The following TTYH2 variants were observed in gnomAD, a reference collection of about 807,000 sequenced individuals.
TTYH2 encodes the protein tweety family member 2.
A neutral mutation model predicts 68.3 loss-of-function variants in TTYH2; 49 were observed. The observed-to-expected ratio is 0.72, with a 90% CI of 0.57 to 0.91. TTYH2 has a LOEUF of 0.91. Among genes scored for constraint, TTYH2 ranks in the 40% least tolerant of loss-of-function variants. TTYH2 has a pLI of 0.00. For missense variants in TTYH2, 631 were observed against 700.4 expected, an observed-to-expected ratio of 0.90 and a Z score of 1.12; for synonymous variants, 272 against 300.8, an observed-to-expected ratio of 0.90 and a Z score of 0.99.
At position 74,232,141 on chromosome 17, in the gene TTYH2, C is replaced by CA. The variant is rs1459094111; in HGVS notation, c.414+1144dup. On this transcript the variant is annotated intron_variant, in intron 3 of 13. Coordinates refer to ENST00000269346, the MANE Select transcript of TTYH2 (RefSeq NM_032646.6). The surrounding 1 kb of genome is among the most constrained non-coding windows in gnomAD (Gnocchi z 5.1). ...CAGCCTCTGCCACAAAATCCAGCCC[C>CA]AACAGGAGAATTTGGCCATTGCCCC... Among the ~76,000 whole-genome samples, 1 of 152,230 alleles carries CA rather than the reference C, an allele frequency of 6.6e-6. No individual in the cohort carries two copies. Among genetic ancestry groups the CA allele is most frequent in the African/African-American group, 2.4e-5 (1 of 41,452 alleles).
In TTYH2 at chr17:74,237,256, C is replaced by T. The variant is rs751570568; in HGVS notation, c.415-38C>T. The T allele has an allele frequency of 6.2e-6, 10 of 1,601,442 alleles. No individual in the cohort carries two copies. The Admixed American group carries it at 1.0e-4, about 16-fold the overall frequency. On this transcript the variant is annotated intron_variant, in intron 3 of 13. Coordinates refer to ENST00000269346, the MANE Select transcript of TTYH2 (RefSeq NM_032646.6). ...CCTCTTCCGGGATGAGAATCAGAAG[C>T]TCTACCTCCATGGCTTTTGCCCCCT...
chr17:74,255,381 G>A (rs922555351), intron 13 of TTYH2, among the ~76,000 whole-genome samples: 1 of 152,198 alleles, frequency 6.6e-6, no homozygotes, highest in African/African-American at 2.4e-5. Flanking sequence ...ACAGTGAGCT[G>A]TTATTTGTGA....
At chr17:74,227,974 C>CTT (rs2050347863) in intron 2 of TTYH2, among the ~76,000 whole-genome samples, 1 of 118,938 alleles carries the variant, frequency 8.4e-6, no homozygotes, top group Admixed American at 7.5e-5. Flanking sequence ...GGTTTCTTTT[C>CTT]TTTTCTTTCT....
In TTYH2 at chr17:74,222,654, G is replaced by A. The variant is rs1195800980; in HGVS notation, c.299G>A (p.Cys100Tyr). The change falls in exon 2 of 14, where the codon TGC becomes TAC. Residue 100 changes from cysteine to tyrosine, a missense_variant. By Grantham distance (194) the Cys-to-Tyr change is radical. Transcript: ENST00000269346. The surrounding 1 kb of genome is among the most constrained non-coding windows in gnomAD (Gnocchi z 5.2). The stretch of plus-strand genomic sequence containing the variant: ...ACGGCCGTGGTGGCCGGGCTCATCT[G>A]CTGGTGAGTGTCCCTGGACGCTGGG... Reference protein sequence around the residue: ...TWTAVVAGLICCAAVGVGFYG... With the variant: ...TWTAVVAGLIYCAAVGVGFYG... 6.2e-7 allele frequency: 1 copy of A among 1,607,720 alleles called. No homozygotes were observed. The highest frequency in any genetic ancestry group is 2.2e-5 in the East Asian group (1 of 44,832).
chr17:74,215,595 G>GGTCCC lies in TTYH2; in HGVS notation c.129+1880_129+1881insTCCCG. The GGTCCC allele has an allele frequency of 6.5e-7, 1 of 1,532,926 alleles. No individual in the cohort carries two copies. The highest frequency in any genetic ancestry group is 8.7e-7 in the Non-Finnish European group (1 of 1,145,120). 95.0% of individuals were successfully genotyped at this position (1,532,926 alleles called of 1,614,324 possible). ...GCAGCTGACACCAGCCCTGCCCACT[G>GGTCCC]GCTCCTGGTCCCGCTCACCCCCTCA... On this transcript the variant is annotated intron_variant, in intron 1 of 13. Coordinates refer to ENST00000269346, the MANE Select transcript of TTYH2 (RefSeq NM_032646.6). The surrounding 1 kb of genome is among the most constrained non-coding windows in gnomAD (Gnocchi z 4.3).
rs767810857 is a variant in TTYH2, at chr17:74,237,512, C to T, written c.633C>T (p.Tyr211=). The T allele has an allele frequency of 2.8e-5, 45 of 1,604,152 alleles. No homozygotes were observed. The Admixed American group carries it at 3.2e-4, about 11-fold the overall frequency. The change falls in exon 4 of 14, where the codon TAC becomes TAT. Residue 211 remains tyrosine, a splice_region_variant and synonymous_variant. Coordinates refer to ENST00000269346, the MANE Select transcript of TTYH2 (RefSeq NM_032646.6). ...ACCAGACTGGCTACGTGGAGTACTA[C>T]AGGTGAAGGACCGGTGGGAGGCAGA... ...LSDQTGYVEY[Y]RWLSYLLLFI... is the part of the protein sequence containing the mutation.
At chr17:74,247,258 C>G (rs1459200122) in intron 6 of TTYH2, among the ~76,000 whole-genome samples, 1 of 152,030 alleles carries the variant, frequency 6.6e-6, no homozygotes, top group African/African-American at 2.4e-5. Flanking sequence ...AAGACTTGCC[C>G]CCGTGACTCA....
chr17:74,244,087 G>T, intron 6 of TTYH2, 38 bp downstream of exon 6: 1 of 1,592,236 alleles, frequency 6.3e-7, no homozygotes. Flanking sequence ...GGTGGTGGTT[G>T]GTCTGCCAGG....
At position 74,237,314 on chromosome 17, in the gene TTYH2, G is replaced by A; in HGVS notation, c.435G>A (p.Lys145=). The A allele has an allele frequency of 6.2e-7, 1 of 1,614,136 alleles. No homozygotes were observed. Among genetic ancestry groups the A allele is most frequent in the Non-Finnish European group, 8.5e-7 (1 of 1,180,018 alleles). Reference sequence around the variant, plus strand: ...CCTAGGTTTCCGGAACTACCCAGAAGATGAAGGTGGACCTAGAGCAGCACC... The same window carrying A: ...CCTAGGTTTCCGGAACTACCCAGAAAATGAAGGTGGACCTAGAGCAGCACC... ...IDALVSGTTQ[K]MKVDLEQHLA... The change falls in exon 4 of 14, where the codon AAG becomes AAA. Residue 145 remains lysine, a synonymous_variant. Transcript: ENST00000269346.
intron 3 of TTYH2, among the ~76,000 whole-genome samples, chr17:74,236,528 T>A (rs1010088215): frequency 3.9e-5 from 6 of 152,240 alleles, no homozygotes; most frequent in African/African-American, 1.4e-4. Context: ...TAGTAATGAA[T>A]GCATACGTTT....
intron 6 of TTYH2, among the ~76,000 whole-genome samples, chr17:74,246,090 G>A (rs550362145): frequency 6.6e-6 from 1 of 152,312 alleles, no homozygotes; most frequent in South Asian, 2.1e-4. Flanking sequence ...CAGAGAGGCT[G>A]GGAAGCCCTG....
rs1251518172 is a variant in TTYH2 at position 74,261,335 on chromosome 17, A to T, written c.*1126A>T. The T allele has an allele frequency of 6.6e-6, 1 of 152,216 alleles. No homozygotes were observed. Among genetic ancestry groups the T allele is most frequent in the Non-Finnish European group, 1.5e-5 (1 of 68,068 alleles). The allele number at this position is 152,216 out of a possible 1,614,324, so 9.4% of individuals were successfully genotyped here. On this transcript the variant is annotated 3_prime_UTR_variant, in exon 14 of 14. Coordinates refer to ENST00000269346, the MANE Select transcript of TTYH2 (RefSeq NM_032646.6). ...AAGCCAGAGTTCCCTGTTCTAGGGG[A>T]CTAGCCAAATGCCTACATCAGCTGT...
Position 74,222,800 on chromosome 17 carries a change from T to G in TTYH2, c.302+143T>G. ...ATGAATGTTGTCCCTTTTTTTTTTT[T>G]TACCAAGCATCAGGAATCAGATGCC... On this transcript the variant is annotated intron_variant, in intron 2 of 13. Coordinates refer to ENST00000269346, the MANE Select transcript of TTYH2 (RefSeq NM_032646.6). The surrounding 1 kb of genome is among the most constrained non-coding windows in gnomAD (Gnocchi z 5.2). 9.4e-7 allele frequency: 1 copy of G among 1,061,472 alleles called. No individual in the cohort carries two copies. Among genetic ancestry groups the G allele is most frequent in the Non-Finnish European group, 1.3e-6 (1 of 773,002 alleles). The allele number at this position is 1,061,472 out of a possible 1,614,324, so 65.8% of individuals were successfully genotyped here.
At chr17:74,253,030 C>T (rs367996162) in intron 11 of TTYH2, 51 bp from the exon 12 acceptor site, 32 of 1,597,042 alleles carry the variant, frequency 2.0e-5, no homozygotes, top group South Asian at 1.0e-4. Flanking sequence ...CTGGCTGCCT[C>T]GGAGCCTCCT....
At chr17:74,249,104 T>C (rs749593453) in intron 7 of TTYH2, 24 bp downstream of exon 7, 11 of 1,613,942 alleles carry the variant, frequency 6.8e-6, no homozygotes, top group East Asian at 2.2e-5. Context: ...CTCAGGCTGC[T>C]GCTGTGGATG....
At chr17:74,228,620 A>G (rs1298580258) in intron 2 of TTYH2, among the ~76,000 whole-genome samples, 1 of 152,154 alleles carries the variant, frequency 6.6e-6, no homozygotes, top group African/African-American at 2.4e-5. Flanking sequence ...ATACAGCACT[A>G]TAGGAAGGAG....
rs756035746 is a variant in TTYH2, at chr17:74,252,267, G to A, written c.1150G>A (p.Asp384Asn). The change falls in exon 11 of 14, where the codon GAC (aspartate) becomes AAC (asparagine). Residue 384 changes from aspartate to asparagine, a missense_variant. Coordinates refer to ENST00000269346, the MANE Select transcript of TTYH2 (RefSeq NM_032646.6). ...GGACGCTCTTGCTGGCATCTGCTAC[G>A]ACGGCCTCCAGGGCTTGCTGTACCT... ...YLDALAGICY[D>N]GLQGLLYLGL... 5.6e-6 allele frequency: 9 copies of A among 1,613,494 alleles called. No homozygotes were observed. Among genetic ancestry groups the A allele is most frequent in the Non-Finnish European group, 7.6e-6 (9 of 1,180,036 alleles).
chr17:74,223,292 C>CG (rs61001030), intron 2 of TTYH2, among the ~76,000 whole-genome samples: 1 of 118,750 alleles, frequency 8.4e-6, no homozygotes, highest in Admixed American at 8.0e-5. Context: ...TTTTGGGGGG[C>CG]GGGGGGTGGG....
chr17:74,240,444 A>G (rs1226067976), intron 4 of TTYH2, among the ~76,000 whole-genome samples: 1 of 151,978 alleles, frequency 6.6e-6, no homozygotes, highest in Non-Finnish European at 1.5e-5. Context: ...GTCTCAAAAA[A>G]AAAAAAAAAG....
Sources: gnomAD v4.1 joint callset for allele counts (sites outside exome capture counted in the v4.1 genomes callset) on GRCh38, gnomAD v4.1.1 for gene constraint, Gnocchi (gnomAD v3.1) non-coding constraint, MANE v1.5 for transcripts, NCBI Gene and HGNC (gene_info 2026-07-23, HGNC 2026-07-21) for gene names.